Variants in HSD17B12 observed in about 807,000 individuals in gnomAD.
The protein encoded by HSD17B12 is very-long-chain 3-oxoacyl-CoA reductase.
A neutral mutation model predicts 39.3 loss-of-function variants in HSD17B12; 32 were observed. That is an observed-to-expected ratio of 0.81 (90% CI 0.61 to 1.09). The LOEUF (loss-of-function observed/expected upper bound fraction) is 1.09, where lower values mean the gene tolerates loss of function less well. Ranked by LOEUF, HSD17B12 falls within the 50% of genes least tolerant of loss-of-function variation. The probability of loss-of-function intolerance (pLI) is 0.00; values close to 1 mark genes in which losing one functional copy is unlikely to be tolerated. For synonymous variants in HSD17B12, 150 were observed against 146.7 expected (o/e 1.02, Z -0.16); for missense variants, 342 against 382.9 (o/e 0.89, Z 0.89).
chr11:43,622,608 A>G, the HSD17B12 span, among the ~76,000 whole-genome samples: 21 of 152,260 alleles, frequency 1.4e-4, no homozygotes, highest in Middle Eastern at 0.01. Context: ...AAAGAAAAGA[A>G]CTACAACTAA....
chr11:43,726,053 A>G (rs1950217432), intron 1 of HSD17B12, among the ~76,000 whole-genome samples: 1 of 152,230 alleles, frequency 6.6e-6, no homozygotes, highest in South Asian at 2.1e-4. Flanking sequence ...AGTGATAGTA[A>G]TATGTAGTGC....
intron 1 of HSD17B12, among the ~76,000 whole-genome samples, chr11:43,706,689 G>GGTGTGTGTGTGTGTGTGTGTGTGTGT (rs147962977): frequency 5.1e-5 from 7 of 137,904 alleles, no homozygotes; most frequent in Admixed American, 2.2e-4. Context: ...TGAATGAAGG[G>GGTGTGTGTGTGTGTGTGTGTGTGTGT]GTGTGTGTGT....
intron 1 of HSD17B12, among the ~76,000 whole-genome samples, chr11:43,687,175 C>T (rs11037564): frequency 0.48 from 72,365 of 152,002 alleles, 17,602 homozygotes; most frequent in Non-Finnish European, 0.5. Flanking sequence ...ATTTCATTTC[C>T]CTTCTTGTCA....
At chr11:43,580,022 G>T in the HSD17B12 span, among the ~76,000 whole-genome samples, 1 of 149,974 alleles carries the variant, frequency 6.7e-6, no homozygotes, top group Admixed American at 6.6e-5. Context: ...TAGGGAGGGA[G>T]ATAGTCAGGA....
the HSD17B12 span, among the ~76,000 whole-genome samples, chr11:43,654,727 A>T: frequency 6.6e-6 from 1 of 152,018 alleles, no homozygotes; most frequent in African/African-American, 2.4e-5. Flanking sequence ...GTTATTTCTG[A>T]GGGCTCTGTT....
rs572938736 is a variant in HSD17B12, at chr11:43,707,181, G to A, written c.160+26194G>A. ...CAGACGCTTTGCAATGCCTAGGGGT[G>A]TAGCAGTGAACAAAATGGGCAAAGT... On this transcript the variant is annotated intron_variant, in intron 1 of 10. Coordinates refer to ENST00000278353, the MANE Select transcript of HSD17B12 (RefSeq NM_016142.3). Among the ~76,000 whole-genome samples, 57 of 152,332 alleles carry A rather than the reference G, an allele frequency of 3.7e-4. No individual in the cohort carries two copies. The South Asian group carries it at 0.011, about 29-fold the overall frequency.
chr11:43,643,904 G>A, the HSD17B12 span, among the ~76,000 whole-genome samples: 1 of 152,214 alleles, frequency 6.6e-6, no homozygotes, highest in South Asian at 2.1e-4. Context: ...TTGAAGTTAA[G>A]TGTCCCCTTT....
chr11:43,778,868 T>C (rs897902331), intron 3 of HSD17B12, among the ~76,000 whole-genome samples: 4 of 152,196 alleles, frequency 2.6e-5, no homozygotes, highest in African/African-American at 7.2e-5. Context: ...CATGAAAAAT[T>C]AGTTTATTAA....
intron 1 of HSD17B12, among the ~76,000 whole-genome samples, chr11:43,725,179 T>C (rs373813441): frequency 3.9e-5 from 6 of 152,348 alleles, no homozygotes; most frequent in African/African-American, 1.4e-4. Context: ...GCCAGAAATT[T>C]GCATTTATAG....
At chr11:43,853,656 G>T (rs954540372) in intron 9 of HSD17B12, 2 of 152,192 alleles carry the variant, frequency 1.3e-5, no homozygotes, top group African/African-American at 4.8e-5. Context: ...GGGCATGGTG[G>T]TGCACACCTG....
At chr11:43,819,396 G>T (rs1951160433) in intron 6 of HSD17B12, among the ~76,000 whole-genome samples, 1 of 152,130 alleles carries the variant, frequency 6.6e-6, no homozygotes, top group Non-Finnish European at 1.5e-5. Flanking sequence ...GTGCTTCATG[G>T]TCACAGACTT....
chr11:43,687,060 G>A (rs1949807554), intron 1 of HSD17B12, among the ~76,000 whole-genome samples: 1 of 152,166 alleles, frequency 6.6e-6, no homozygotes, highest in Non-Finnish European at 1.5e-5. Context: ...TATAAGTTTA[G>A]AATGCATGGG....
the HSD17B12 span, among the ~76,000 whole-genome samples, chr11:43,581,135 G>A: frequency 1.3e-5 from 2 of 152,138 alleles, no homozygotes; most frequent in African/African-American, 4.8e-5. The surrounding 1 kb of genome is among the most constrained non-coding windows in gnomAD (Gnocchi z 4.9). Flanking sequence ...AGGGGTGGAG[G>A]CTGGGCTCCG....
intron 1 of HSD17B12, chr11:43,719,204 T>G (rs1565062402): frequency 8.9e-6 from 6 of 672,238 alleles, no homozygotes; most frequent in Non-Finnish European, 1.6e-5. Flanking sequence ...TATACATGCC[T>G]CTGTCAATTT....
intron 1 of HSD17B12, among the ~76,000 whole-genome samples, chr11:43,728,929 AAAT>A (rs1950244620): frequency 6.6e-6 from 1 of 152,172 alleles, no homozygotes; most frequent in Non-Finnish European, 1.5e-5. Context: ...ATATAGATAT[AAAT>A]AAGGGTATAA....
the HSD17B12 span, among the ~76,000 whole-genome samples, chr11:43,609,450 C>T: frequency 6.6e-6 from 1 of 151,814 alleles, no homozygotes; most frequent in Non-Finnish European, 1.5e-5. Flanking sequence ...ACTGCAGCCT[C>T]AACTTCCCAG....
chr11:43,804,941 G>T (rs1180733036), intron 4 of HSD17B12, among the ~76,000 whole-genome samples: 2 of 152,160 alleles, frequency 1.3e-5, no homozygotes, highest in Non-Finnish European at 2.9e-5. Context: ...ATTGGTTTGG[G>T]ATCCAGAGAT....
chr11:43,639,221 G>A, the HSD17B12 span, among the ~76,000 whole-genome samples: 1 of 152,166 alleles, frequency 6.6e-6, no homozygotes, highest in African/African-American at 2.4e-5. Context: ...CTGCACTTTT[G>A]TAAGGTGTGG....
intron 4 of HSD17B12, among the ~76,000 whole-genome samples, chr11:43,809,419 A>T (rs752455335): frequency 3.9e-5 from 6 of 152,216 alleles, no homozygotes; most frequent in African/African-American, 1.4e-4. Context: ...CAAAAATTTA[A>T]GACAGGAAGT....
Sources: gnomAD v4.1 joint callset for allele counts (sites outside exome capture counted in the v4.1 genomes callset) on GRCh38, gnomAD v4.1.1 for gene constraint, Gnocchi (gnomAD v3.1) non-coding constraint, MANE v1.5 for transcripts, NCBI Gene and HGNC (gene_info 2026-07-23, HGNC 2026-07-21) for gene names.